Variants in LRP12 observed in about 807,000 individuals in gnomAD.
The protein encoded by LRP12 is low-density lipoprotein receptor-related protein 12.
Under a neutral mutation model 66.0 loss-of-function variants are expected in LRP12, and 14 were observed. That is an observed-to-expected ratio of 0.21 (90% CI 0.14 to 0.33). The LOEUF (loss-of-function observed/expected upper bound fraction) is 0.33, where lower values mean the gene tolerates loss of function less well. LRP12 is among the 10% of genes least tolerant of loss of function. The pLI is 1.00. For missense variants in LRP12, 889 were observed against 1,053.4 expected, an observed-to-expected ratio of 0.84 and a Z score of 2.16; for synonymous variants, 357 against 359.1, an observed-to-expected ratio of 0.99 and a Z score of 0.07.
At chr8:104,528,931 T>C (rs1588493251) in intron 2 of LRP12, among the ~76,000 whole-genome samples, 1 of 152,192 alleles carries the variant, frequency 6.6e-6, no homozygotes, top group African/African-American at 2.4e-5. Context: ...GATGAGACTT[T>C]AGAAAAAATA....
At chr8:104,507,731 TGGA>T (rs1424070645) in intron 3 of LRP12, 4 of 152,086 alleles carry the variant, frequency 2.6e-5, no homozygotes, top group African/African-American at 9.7e-5. Context: ...AAACACTGCA[TGGA>T]GGAGGAGAAC....
chr8:104,540,955 A>G (rs1420817823), intron 1 of LRP12, among the ~76,000 whole-genome samples: 2 of 152,028 alleles, frequency 1.3e-5, no homozygotes, highest in African/African-American at 4.8e-5. Flanking sequence ...GATGGTCTCG[A>G]TCTCCTGACC....
intron 1 of LRP12, among the ~76,000 whole-genome samples, chr8:104,586,561 C>G (rs7814352): frequency 0.43 from 64,970 of 152,022 alleles, 15,084 homozygotes; most frequent in African/African-American, 0.62. Context: ...TCTGTTCTAA[C>G]AGGCTCAAGG....
intron 2 of LRP12, among the ~76,000 whole-genome samples, chr8:104,518,565 C>T (rs1431288909): frequency 6.6e-6 from 1 of 152,022 alleles, no homozygotes; most frequent in East Asian, 1.9e-4. Context: ...ATTGGTCCTA[C>T]ATTAACATGG....
chr8:104,542,694 C>T (rs1811496423), intron 1 of LRP12, among the ~76,000 whole-genome samples: 1 of 152,026 alleles, frequency 6.6e-6, no homozygotes, highest in South Asian at 2.1e-4. Flanking sequence ...GAGGCCTTAC[C>T]AATAACACAA....
intron 1 of LRP12, among the ~76,000 whole-genome samples, chr8:104,549,146 A>C (rs1191281100): frequency 6.6e-6 from 1 of 152,008 alleles, no homozygotes; most frequent in Non-Finnish European, 1.5e-5. Flanking sequence ...CTGTCCATTA[A>C]AAAACAAAAG....
chr8:104,560,755 G>T (rs975348854), intron 1 of LRP12, among the ~76,000 whole-genome samples: 3 of 152,134 alleles, frequency 2.0e-5, no homozygotes, highest in African/African-American at 4.8e-5. Flanking sequence ...GCAATAATCA[G>T]ATTTTCCTGG....
At chr8:104,551,994 T>A (rs1811732625) in intron 1 of LRP12, among the ~76,000 whole-genome samples, 1 of 152,184 alleles carries the variant, frequency 6.6e-6, no homozygotes, top group Non-Finnish European at 1.5e-5. Context: ...CATATGATAC[T>A]GTAAGTAAGA....
At chr8:104,547,617 ATAT>A (rs1436174464) in intron 1 of LRP12, among the ~76,000 whole-genome samples, 67 of 125,736 alleles carry the variant, frequency 5.3e-4, no homozygotes, top group African/African-American at 1.8e-3. Context: ...AATATATAAT[ATAT>A]TAATATATAA....
chr8:104,523,546 G>A (rs1811181127), intron 2 of LRP12, among the ~76,000 whole-genome samples: 1 of 152,176 alleles, frequency 6.6e-6, no homozygotes, highest in Admixed American at 6.5e-5. Context: ...TTAAATCGCT[G>A]TGTGATGCTA....
At chr8:104,498,658 C>G (rs1810776905) in intron 4 of LRP12, among the ~76,000 whole-genome samples, 1 of 152,092 alleles carries the variant, frequency 6.6e-6, no homozygotes, top group Admixed American at 6.5e-5. Flanking sequence ...GATTCCATCT[C>G]TTTGCTATTG....
chr8:104,520,955 C>G (rs1402358918), intron 2 of LRP12, among the ~76,000 whole-genome samples: 4 of 152,078 alleles, frequency 2.6e-5, no homozygotes, highest in Middle Eastern at 6.8e-3. Context: ...TGGATATATC[C>G]ATCAGATGAA....
chr8:104,560,866 T>C (rs1476181890), intron 1 of LRP12, among the ~76,000 whole-genome samples: 2 of 152,188 alleles, frequency 1.3e-5, no homozygotes, highest in Non-Finnish European at 2.9e-5. Context: ...CCTAGAGTGA[T>C]ACTCCCTCAT....
intron 2 of LRP12, among the ~76,000 whole-genome samples, chr8:104,526,300 A>G (rs1811237352): frequency 6.6e-6 from 1 of 152,118 alleles, no homozygotes; most frequent in South Asian, 2.1e-4. Flanking sequence ...CAAGCTACCA[A>G]TGACTTCCTT....
chr8:104,498,155 A>G (rs1810768297), intron 4 of LRP12, 79 bp from the exon 5 acceptor site: 1 of 1,301,834 alleles, frequency 7.7e-7, no homozygotes, highest in Non-Finnish European at 1.0e-6. Flanking sequence ...ACAGCAAGTG[A>G]TATTTTTATA....
chr8:104,554,309 T>C (rs1028178507), intron 1 of LRP12, among the ~76,000 whole-genome samples: 1 of 151,980 alleles, frequency 6.6e-6, no homozygotes, highest in African/African-American at 2.4e-5. Flanking sequence ...ATTCAGATGG[T>C]CGATTATTAA....
intron 1 of LRP12, among the ~76,000 whole-genome samples, chr8:104,533,907 T>C (rs1811360905): frequency 3.3e-5 from 5 of 151,974 alleles, no homozygotes; most frequent in Admixed American, 6.6e-5. Context: ...ATATTGAAGA[T>C]TGTGGATTCT....
chr8:104,493,963 G>A (rs959008504), intron 6 of LRP12, among the ~76,000 whole-genome samples: 2 of 152,162 alleles, frequency 1.3e-5, no homozygotes, highest in Non-Finnish European at 2.9e-5. Flanking sequence ...GCTGCTTTCA[G>A]TGAGTTTTTT....
intron 1 of LRP12, among the ~76,000 whole-genome samples, chr8:104,548,368 A>AT (rs1291872722): frequency 1.3e-4 from 7 of 53,028 alleles, no homozygotes; most frequent in African/African-American, 2.6e-4. Context: ...ATATTATATA[A>AT]ATATATTATA....
Sources: allele counts gnomAD v4.1 joint callset (sites outside exome capture counted in the v4.1 genomes callset), GRCh38; gene constraint gnomAD v4.1.1; transcripts MANE v1.5; gene names NCBI Gene and HGNC (gene_info 2026-07-23, HGNC 2026-07-21).